Variants in GRHL2 observed in about 807,000 individuals in gnomAD.
GRHL2 encodes grainyhead-like protein 2 homolog.
GRHL2 carries 21 observed loss-of-function variants against 83.8 expected under a neutral mutation model. The observed-to-expected ratio is 0.25, with a 90% CI of 0.18 to 0.36. GRHL2 has a LOEUF of 0.36. Among genes scored for constraint, GRHL2 ranks in the 10% least tolerant of loss-of-function variants. GRHL2 has a pLI of 1.00. For synonymous variants in GRHL2, 280 were observed against 278.9 expected, an observed-to-expected ratio of 1.00 and a Z score of -0.04; for missense variants, 623 against 781.8, an observed-to-expected ratio of 0.80 and a Z score of 2.42.
At chr8:101,671,783 C>A (rs555676172), downstream of GRHL2, among the ~76,000 whole-genome samples, 4 of 152,320 alleles carry the variant, frequency 2.6e-5, no homozygotes, top group East Asian at 1.9e-4. Flanking sequence ...TGGGAGGCAT[C>A]CCCTAGTAGG....
chr8:101,573,921 C>T, intron 6 of GRHL2, 97 bp downstream of exon 6: 4 of 1,341,714 alleles, frequency 3.0e-6, no homozygotes, highest in Non-Finnish European at 1.1e-6. Context: ...AAAATAAAAC[C>T]TTCAACATAA....
At chr8:101,493,389 C>T (rs1274773067) in intron 1 of GRHL2, among the ~76,000 whole-genome samples, 2 of 151,970 alleles carry the variant, frequency 1.3e-5, no homozygotes, top group East Asian at 1.9e-4. Context: ...CGGGGGCGGC[C>T]GGCGCCGTCC....
chr8:101,542,149 A>G (rs1019935506), intron 1 of GRHL2, among the ~76,000 whole-genome samples: 1 of 152,244 alleles, frequency 6.6e-6, no homozygotes, highest in Non-Finnish European at 1.5e-5. Flanking sequence ...TATAGATTAA[A>G]CTAGATAAAA....
chr8:101,545,078 A>G (rs1021938185), intron 2 of GRHL2, among the ~76,000 whole-genome samples: 2 of 152,214 alleles, frequency 1.3e-5, no homozygotes, highest in Non-Finnish European at 2.9e-5. Context: ...ATGAAGAGCA[A>G]GGTATGAGTG....
At chr8:101,642,091 T>G (rs938982865) in intron 12 of GRHL2, among the ~76,000 whole-genome samples, 2 of 152,190 alleles carry the variant, frequency 1.3e-5, no homozygotes, top group South Asian at 2.1e-4. Flanking sequence ...GCAGTTGGAC[T>G]GGGCATCAGG....
chr8:101,535,041 G>A (rs1181933669), intron 1 of GRHL2, among the ~76,000 whole-genome samples: 4 of 152,178 alleles, frequency 2.6e-5, no homozygotes, highest in African/African-American at 9.7e-5. Context: ...AAATGCGAAA[G>A]CTAAGATCCA....
At position 101,667,858 on chromosome 8, in the gene GRHL2, T is replaced by C. The variant is rs1218123173; in HGVS notation, c.*1155T>C. ...CTGGACACTGTACTGTGCCTCCCAG[T>C]TTACAAACACGCCCTTCATCTCAAG... is the stretch of plus-strand genomic sequence containing the variant. On this transcript the variant is annotated 3_prime_UTR_variant, in exon 16 of 16. Coordinates refer to ENST00000646743, the MANE Select transcript of GRHL2 (RefSeq NM_024915.4). 1 of 152,740 alleles carries C rather than the reference T, an allele frequency of 6.5e-6. No homozygotes were observed. Among genetic ancestry groups the C allele is most frequent in the Non-Finnish European group, 1.5e-5 (1 of 68,140 alleles). 9.5% of individuals were successfully genotyped at this position (152,740 alleles called of 1,614,324 possible).
At chr8:101,631,604 T>C in intron 9 of GRHL2, 33 bp from the exon 10 acceptor site, 1 of 1,558,076 alleles carries the variant, frequency 6.4e-7, no homozygotes, top group Non-Finnish European at 8.8e-7. Flanking sequence ...CTAATATGCC[T>C]GGCATTTTCT....
intron 1 of GRHL2, chr8:101,542,640 T>C (rs1442350884): frequency 2.6e-6 from 1 of 391,422 alleles, no homozygotes; most frequent in Non-Finnish European, 5.1e-6. Flanking sequence ...AGAGGACCAA[T>C]TGTTTTAGTC....
chr8:101,585,034 G>A (rs553531445), intron 7 of GRHL2, among the ~76,000 whole-genome samples: 18 of 152,266 alleles, frequency 1.2e-4, no homozygotes, highest in African/African-American at 3.9e-4. Flanking sequence ...TGGCTAGCTG[G>A]CCAGGTAGCT....
chr8:101,538,193 T>C (rs1165687453), intron 1 of GRHL2, among the ~76,000 whole-genome samples: 1 of 152,042 alleles, frequency 6.6e-6, no homozygotes, highest in Non-Finnish European at 1.5e-5. Flanking sequence ...ACGGGGAAAA[T>C]GTTATGTGTT....
intron 1 of GRHL2, among the ~76,000 whole-genome samples, chr8:101,530,740 T>A (rs938051202): frequency 6.6e-6 from 1 of 152,220 alleles, no homozygotes; most frequent in Non-Finnish European, 1.5e-5. Context: ...AATGTAAACT[T>A]GTTGTCTTTC....
chr8:101,588,929 A>C (rs1327855066), intron 7 of GRHL2, among the ~76,000 whole-genome samples: 1 of 152,196 alleles, frequency 6.6e-6, no homozygotes, highest in Non-Finnish European at 1.5e-5. Context: ...AGTCGGTTTA[A>C]CCAAGTGTTA....
intron 8 of GRHL2, among the ~76,000 whole-genome samples, chr8:101,615,851 G>A (rs898242738): frequency 8.6e-5 from 13 of 152,042 alleles, no homozygotes; most frequent in African/African-American, 2.4e-4. Context: ...CTTGGTAGGC[G>A]CTTCAAAAAT....
At chr8:101,574,748 C>G (rs906711414) in intron 6 of GRHL2, among the ~76,000 whole-genome samples, 1 of 152,208 alleles carries the variant, frequency 6.6e-6, no homozygotes, top group African/African-American at 2.4e-5. Flanking sequence ...TTAGTAAATT[C>G]TAATGCTGTG....
chr8:101,626,175 T>C (rs1813075773), intron 9 of GRHL2, among the ~76,000 whole-genome samples: 1 of 152,004 alleles, frequency 6.6e-6, no homozygotes, highest in Admixed American at 6.6e-5. Context: ...TATTCCATTT[T>C]AAAACCATAC....
chr8:101,588,245 A>G (rs1008404602), intron 7 of GRHL2, among the ~76,000 whole-genome samples: 2 of 152,226 alleles, frequency 1.3e-5, no homozygotes, highest in Non-Finnish European at 2.9e-5. Flanking sequence ...TGTGGACTCA[A>G]GTCCACTCAC....
rs1405132832 is a variant in GRHL2 at position 101,575,612 on chromosome 8, G to A, written c.891+1788G>A. ...TTCCAAGTCAAAGCATGTAGGGCGTGGTAACAACAGTTTCAAACTGCGTTT... is the reference window on the plus strand; with the variant it reads ...TTCCAAGTCAAAGCATGTAGGGCGTAGTAACAACAGTTTCAAACTGCGTTT... On this transcript the variant is annotated intron_variant, in intron 6 of 15. Transcript: ENST00000646743. Among the ~76,000 whole-genome samples, 3 of 152,090 alleles carry A rather than the reference G, an allele frequency of 2.0e-5. No individual in the cohort carries two copies. In the East Asian group the frequency reaches 5.8e-4, roughly 29 times the overall value.
intron 1 of GRHL2, among the ~76,000 whole-genome samples, chr8:101,500,741 C>T (rs905849992): frequency 6.6e-6 from 1 of 152,126 alleles, no homozygotes; most frequent in Non-Finnish European, 1.5e-5. Context: ...GAACTCCTGA[C>T]CTCAGGTGAT....
Sources: gnomAD v4.1 joint callset for allele counts (sites outside exome capture counted in the v4.1 genomes callset) on GRCh38, gnomAD v4.1.1 for gene constraint, MANE v1.5 for transcripts, NCBI Gene and HGNC (gene_info 2026-07-23, HGNC 2026-07-21) for gene names.